Variants in PTPRD observed in about 807,000 individuals in gnomAD.
PTPRD encodes the protein protein tyrosine phosphatase receptor type D.
In PTPRD, 34 loss-of-function variants were observed where a neutral mutation model predicts 214.5. The observed-to-expected ratio is 0.16, with a 90% CI of 0.12 to 0.21. PTPRD has a LOEUF of 0.21. Ranked by LOEUF, PTPRD falls within the 10% of genes least tolerant of loss-of-function variation. PTPRD has a pLI of 1.00. For synonymous variants in PTPRD, 1,128 were observed against 845.7 expected, an observed-to-expected ratio of 1.33 and a Z score of -5.79; for missense variants, 2,545 against 2,398.7, an observed-to-expected ratio of 1.06 and a Z score of -1.27.
chr9:10,141,563 C>T (rs1348448764), intron 3 of PTPRD, among the ~76,000 whole-genome samples: 1 of 151,952 alleles, frequency 6.6e-6, no homozygotes, highest in Non-Finnish European at 1.5e-5. Context: ...AGGACCTCTC[C>T]AAGGAGAACT....
At chr9:8,681,492 T>C (rs2097548631) in intron 12 of PTPRD, among the ~76,000 whole-genome samples, 1 of 152,176 alleles carries the variant, frequency 6.6e-6, no homozygotes, top group Admixed American at 6.5e-5. Flanking sequence ...CAGCCTTCTC[T>C]TTTTCCACTG....
intron 8 of PTPRD, 49 bp downstream of exon 8, chr9:9,574,683 G>A (rs536434500): frequency 6.6e-6 from 1 of 151,748 alleles, no homozygotes; most frequent in Non-Finnish European, 1.5e-5. Context: ...TGATCAAAAA[G>A]CGGTAATGAA....
chr9:9,438,798 G>A (rs906558450), intron 8 of PTPRD, among the ~76,000 whole-genome samples: 1 of 152,182 alleles, frequency 6.6e-6, no homozygotes, highest in East Asian at 1.9e-4. Context: ...ATGTATGTGA[G>A]TACTAATTTC....
At chr9:9,764,323 G>T (rs377441299) in intron 6 of PTPRD, among the ~76,000 whole-genome samples, 1 of 152,062 alleles carries the variant, frequency 6.6e-6, no homozygotes, top group Non-Finnish European at 1.5e-5. Context: ...TAAATCAAAT[G>T]CATTCAAAAT....
At chr9:9,326,571 A>T (rs1595832740) in intron 9 of PTPRD, among the ~76,000 whole-genome samples, 1 of 152,094 alleles carries the variant, frequency 6.6e-6, no homozygotes, top group East Asian at 1.9e-4. Flanking sequence ...AAAATAAAAA[A>T]AGAAAAATGA....
intron 11 of PTPRD, among the ~76,000 whole-genome samples, chr9:8,889,417 T>C (rs893536871): frequency 6.6e-6 from 1 of 152,186 alleles, no homozygotes; most frequent in Non-Finnish European, 1.5e-5. Flanking sequence ...GAGCAAATCA[T>C]ACACTGAGAT....
At chr9:10,159,656 A>C (rs1377187443) in intron 3 of PTPRD, among the ~76,000 whole-genome samples, 1 of 151,256 alleles carries the variant, frequency 6.6e-6, no homozygotes, top group Non-Finnish European at 1.5e-5. Context: ...AATTATAAGA[A>C]AAAAATAATT....
At chr9:10,113,271 TATG>T (rs1591501790) in intron 3 of PTPRD, among the ~76,000 whole-genome samples, 1 of 152,236 alleles carries the variant, frequency 6.6e-6, no homozygotes, top group South Asian at 2.1e-4. Context: ...ATGAATTATA[TATG>T]ATGATTGTTT....
chr9:9,411,758 C>A (rs1217021255), intron 8 of PTPRD, among the ~76,000 whole-genome samples: 3 of 152,172 alleles, frequency 2.0e-5, no homozygotes, highest in Admixed American at 1.3e-4. Flanking sequence ...TTTAAATTAA[C>A]CAAAGAATTC....
At chr9:9,363,486 G>A (rs1259024768) in intron 9 of PTPRD, among the ~76,000 whole-genome samples, 2 of 151,258 alleles carry the variant, frequency 1.3e-5, no homozygotes, top group Admixed American at 6.6e-5. Flanking sequence ...ATTTTTAAAG[G>A]TTAGGAAAAA....
chr9:10,365,798 A>T (rs2097504128), intron 2 of PTPRD, among the ~76,000 whole-genome samples: 1 of 152,186 alleles, frequency 6.6e-6, no homozygotes, highest in South Asian at 2.1e-4. Flanking sequence ...AATTATAATA[A>T]ATAATAGGGC....
At chr9:8,697,740 C>G (rs968415910) in intron 12 of PTPRD, among the ~76,000 whole-genome samples, 1 of 151,708 alleles carries the variant, frequency 6.6e-6, no homozygotes, top group African/African-American at 2.4e-5. Flanking sequence ...TTTTTAAAGA[C>G]AGGTGTGTAT....
At chr9:9,462,988 C>G (rs775066562) in intron 8 of PTPRD, among the ~76,000 whole-genome samples, 2 of 152,126 alleles carry the variant, frequency 1.3e-5, no homozygotes, top group East Asian at 1.9e-4. Flanking sequence ...TTTTACTGAA[C>G]TGACTACCAA....
intron 14 of PTPRD, among the ~76,000 whole-genome samples, chr9:8,593,683 T>C (rs1472912309): frequency 1.3e-5 from 2 of 152,226 alleles, no homozygotes; most frequent in Non-Finnish European, 2.9e-5. Context: ...CGAGGCCATA[T>C]CCTTAAGAGG....
chr9:9,438,532 T>C (rs1175436922), intron 8 of PTPRD, among the ~76,000 whole-genome samples: 1 of 152,172 alleles, frequency 6.6e-6, no homozygotes, highest in Non-Finnish European at 1.5e-5. Context: ...CACAAAGGAA[T>C]CTAAATGTGT....
At chr9:10,373,138 T>C (rs1216538831) in intron 2 of PTPRD, among the ~76,000 whole-genome samples, 2 of 138,260 alleles carry the variant, frequency 1.4e-5, no homozygotes, top group Non-Finnish European at 3.1e-5. Context: ...GGCCTGTCTT[T>C]ATACTTAAAA....
rs191284173 is a variant in PTPRD at position 8,811,346 on chromosome 9, C to T, written c.-103-77400G>A. Among the ~76,000 whole-genome samples, 7 of 152,070 alleles carry T rather than the reference C, an allele frequency of 4.6e-5. No individual in the cohort carries two copies. In the East Asian group the frequency reaches 1.4e-3, roughly 29 times the overall value. On this transcript the variant is annotated intron_variant, in intron 11 of 45. Coordinates refer to ENST00000381196, the MANE Select transcript of PTPRD (RefSeq NM_002839.4). ...CCATTTATAGTCAAGTCCATTGACCCCCCTAGGCTATGAGCACAACCTGTT... is the reference window on the plus strand; with the variant it reads ...CCATTTATAGTCAAGTCCATTGACCTCCCTAGGCTATGAGCACAACCTGTT...
intron 11 of PTPRD, among the ~76,000 whole-genome samples, chr9:8,789,340 C>A (rs1165076367): frequency 3.3e-5 from 5 of 152,152 alleles, no homozygotes; most frequent in African/African-American, 1.2e-4. Flanking sequence ...AAATGTGGGA[C>A]ATAAATGGAA....
chr9:9,862,737 G>A (rs1282426121), intron 5 of PTPRD, among the ~76,000 whole-genome samples: 1 of 141,236 alleles, frequency 7.1e-6, no homozygotes, highest in African/African-American at 2.6e-5. Flanking sequence ...GGCGGGGGGG[G>A]GAGTAGTCCC....
Sources: gnomAD v4.1 joint callset for allele counts (sites outside exome capture counted in the v4.1 genomes callset) on GRCh38, gnomAD v4.1.1 for gene constraint, MANE v1.5 for transcripts, NCBI Gene and HGNC (gene_info 2026-07-23, HGNC 2026-07-21) for gene names.